Variants in TMPRSS11D observed in about 807,000 individuals in gnomAD.
TMPRSS11D encodes transmembrane serine protease 11D.
In TMPRSS11D, 32 loss-of-function variants were observed where a neutral mutation model predicts 44.4. That is an observed-to-expected ratio of 0.72 (90% confidence interval 0.54 to 0.97). The LOEUF (loss-of-function observed/expected upper bound fraction) is 0.97. TMPRSS11D is among the 50% of genes least tolerant of loss of function. The pLI, the probability that TMPRSS11D is intolerant of heterozygous loss-of-function variation, is 0.00. For synonymous variants in TMPRSS11D, 179 were observed against 177.9 expected, an observed-to-expected ratio of 1.01 and a Z score of -0.05; for missense variants, 446 against 502.6, an observed-to-expected ratio of 0.89 and a Z score of 1.08.
chr4:67,859,759 T>A, intron 1 of TMPRSS11D, 81 bp from the exon 2 acceptor site: 1 of 1,548,106 alleles, frequency 6.5e-7, no homozygotes, highest in East Asian at 2.3e-5. Flanking sequence ...TTGTCTTCTG[T>A]CTTTCCCGGT....
At chr4:67,835,366 T>C (rs573320580) in intron 5 of TMPRSS11D, among the ~76,000 whole-genome samples, 2 of 152,282 alleles carry the variant, frequency 1.3e-5, no homozygotes, top group African/African-American at 2.4e-5. Context: ...ATACTAAAGT[T>C]TGTACTTTAA....
In TMPRSS11D at chr4:67,822,474, G is replaced by A; in HGVS notation, c.1120C>T (p.Gln374Ter). Reference protein sequence around the residue: ...CQGDSGGPLVQEDSRRLWFIV... With the variant: ...CQGDSGGPLV Reference sequence around the variant, plus strand: ...AACCAAAGCCGCCGTGAGTCTTCTTGTACTAGTGGGCCACCAGAGTCACCC... The same window carrying A: ...AACCAAAGCCGCCGTGAGTCTTCTTATACTAGTGGGCCACCAGAGTCACCC... The change falls in exon 10 of 10, where the codon CAA (glutamine) becomes TAA (stop). Residue 374 changes from glutamine to a stop codon, truncating the protein, a stop_gained. Coordinates refer to ENST00000283916, the MANE Select transcript of TMPRSS11D (RefSeq NM_004262.3). LOFTEE classifies it high-confidence loss of function. 1 of 1,613,852 alleles carries A rather than the reference G, an allele frequency of 6.2e-7. No individual in the cohort carries two copies. The highest frequency in any genetic ancestry group is 1.1e-5 in the South Asian group (1 of 91,064).
intron 7 of TMPRSS11D, among the ~76,000 whole-genome samples, chr4:67,831,960 G>GT (rs1201047874): frequency 6.6e-6 from 1 of 152,158 alleles, no homozygotes; most frequent in African/African-American, 2.4e-5. Context: ...AAATACGTTT[G>GT]TAACAGTCAC....
At position 67,842,393 on chromosome 4, in the gene TMPRSS11D, T is replaced by C. The variant is rs542373937; in HGVS notation, c.317+165A>G. 2.0e-5 allele frequency among the ~76,000 whole-genome samples: 3 copies of C among 152,344 alleles called. No homozygotes were observed. The South Asian group carries it at 6.2e-4, about 32-fold the overall frequency. ...TTTACATTAGTAGCTAAATAGATCA[T>C]ATGTTTGGCTTTTTTGGCATTGGTT... On this transcript the variant is annotated intron_variant, in intron 4 of 9. Transcript: ENST00000283916.
At chr4:67,829,975 C>T (rs1426799511) in intron 7 of TMPRSS11D, among the ~76,000 whole-genome samples, 1 of 151,902 alleles carries the variant, frequency 6.6e-6, no homozygotes, top group African/African-American at 2.4e-5. Context: ...TCTGAAATTC[C>T]TGAAGGTTTA....
rs1717652717 is a variant in TMPRSS11D, at chr4:67,821,948, T to A, written c.*389A>T. The A allele has an allele frequency of 6.3e-6, 1 of 158,402 alleles. No homozygotes were observed. Among genetic ancestry groups the A allele is most frequent in the South Asian group, 2.0e-4 (1 of 5,022 alleles). The allele number at this position is 158,402 out of a possible 1,614,324, so 9.8% of individuals were successfully genotyped here. ...CCTTTGCATGTTTCCACAGTTTGCT[T>A]ACTTCTCATCCTCAGTGAAACCCAG... On this transcript the variant is annotated 3_prime_UTR_variant, in exon 10 of 10. Coordinates refer to ENST00000283916, the MANE Select transcript of TMPRSS11D (RefSeq NM_004262.3).
chr4:67,869,635 A>T, intron 1 of TMPRSS11D, among the ~76,000 whole-genome samples: 1 of 152,208 alleles, frequency 6.6e-6, no homozygotes, highest in East Asian at 1.9e-4. Flanking sequence ...GAAAAGAAGG[A>T]AATATGAAAT....
rs1718143830 is a variant in TMPRSS11D, at chr4:67,838,170, A to T, written c.475+2T>A. 6.6e-7 allele frequency: 1 copy of T among 1,522,470 alleles called. No homozygotes were observed. The highest frequency in any genetic ancestry group is 1.3e-5 in the South Asian group (1 of 75,742). 94.3% of individuals were successfully genotyped at this position (1,522,470 alleles called of 1,614,324 possible). ...AAATTGTTTATGAAAAATTATACTT[A>T]CATGTTATCTCAGTTGAAGGGTTTA... is the stretch of plus-strand genomic sequence containing the variant. On this transcript the variant is annotated splice_donor_variant, in intron 5 of 9. Coordinates refer to ENST00000283916, the MANE Select transcript of TMPRSS11D (RefSeq NM_004262.3). LOFTEE classifies it high-confidence loss of function.
At chr4:67,845,897 C>A (rs1329269417) in intron 3 of TMPRSS11D, among the ~76,000 whole-genome samples, 1 of 152,122 alleles carries the variant, frequency 6.6e-6, no homozygotes, top group African/African-American at 2.4e-5. Context: ...GGTTGAAACA[C>A]TGCACACAGG....
At chr4:67,827,921 C>G (rs1717844513) in intron 7 of TMPRSS11D, among the ~76,000 whole-genome samples, 1 of 151,948 alleles carries the variant, frequency 6.6e-6, no homozygotes, top group African/African-American at 2.4e-5. Context: ...CAATCCCTGT[C>G]TTTTCCTTTA....
intron 7 of TMPRSS11D, among the ~76,000 whole-genome samples, chr4:67,832,718 A>G (rs114989032): frequency 0.014 from 2,153 of 150,464 alleles, 55 homozygotes; most frequent in African/African-American, 0.048. Flanking sequence ...ATCTTTATGA[A>G]TGAATAAATT....
chr4:67,859,609 C>G lies in TMPRSS11D; in HGVS notation c.78G>C (p.Gly26=), dbSNP rs1276663173. 21 of 1,613,004 alleles carry G rather than the reference C, an allele frequency of 1.3e-5. No homozygotes were observed. The highest frequency in any genetic ancestry group is 1.5e-5 in the Non-Finnish European group (18 of 1,179,376). ...CTATGGTGACTGCCAGGATCACTAC[C>G]CCTGCGACGACAATGAAACATACTA... ...PYVVCFIVVA[G]VVILAVTIAL... Residue 26 remains glycine, a synonymous_variant, in exon 2 of 10, where the codon GGG becomes GGC. Transcript: ENST00000283916.
At chr4:67,882,534 T>C (rs892340985) in intron 1 of TMPRSS11D, among the ~76,000 whole-genome samples, 2 of 152,178 alleles carry the variant, frequency 1.3e-5, no homozygotes, top group African/African-American at 4.8e-5. Flanking sequence ...TACAACTCTT[T>C]CAGGATTTGT....
At chr4:67,868,066 G>A (rs2109697020) in intron 1 of TMPRSS11D, among the ~76,000 whole-genome samples, 1 of 150,898 alleles carries the variant, frequency 6.6e-6, no homozygotes, top group African/African-American at 2.5e-5. Context: ...TTAAACCTAA[G>A]TGTCTATCAA....
At chr4:67,824,078 A>G (rs969210527) in intron 9 of TMPRSS11D, among the ~76,000 whole-genome samples, 2 of 152,070 alleles carry the variant, frequency 1.3e-5, no homozygotes, top group African/African-American at 4.8e-5. Context: ...GATTGTAAAA[A>G]TGAACAAAAG....
intron 1 of TMPRSS11D, among the ~76,000 whole-genome samples, chr4:67,874,886 A>G (rs1719146243): frequency 6.6e-6 from 1 of 152,182 alleles, no homozygotes; most frequent in African/African-American, 2.4e-5. Context: ...ATTTAACTAT[A>G]TCTACTAAAT....
chr4:67,834,774 A>G (rs1395308729), intron 6 of TMPRSS11D, among the ~76,000 whole-genome samples: 3 of 152,172 alleles, frequency 2.0e-5, no homozygotes, highest in African/African-American at 7.2e-5. Flanking sequence ...CAGAAATGCC[A>G]CCTTAGAACC....
At chr4:67,867,616 T>C (rs1418632988) in intron 1 of TMPRSS11D, among the ~76,000 whole-genome samples, 1 of 152,018 alleles carries the variant, frequency 6.6e-6, no homozygotes, top group Non-Finnish European at 1.5e-5. Context: ...TATAAGGAAC[T>C]CAAATAACAA....
intron 1 of TMPRSS11D, among the ~76,000 whole-genome samples, chr4:67,882,096 G>A (rs1307481106): frequency 1.3e-5 from 2 of 152,092 alleles, no homozygotes; most frequent in Admixed American, 1.3e-4. Context: ...TCAGACAAGG[G>A]AAGAAGGTAG....
Sources: allele counts gnomAD v4.1 joint callset (sites outside exome capture counted in the v4.1 genomes callset), GRCh38; gene constraint gnomAD v4.1.1; transcripts MANE v1.5; gene names NCBI Gene and HGNC (gene_info 2026-07-23, HGNC 2026-07-21).